Variants in SPATA16 observed in about 807,000 individuals in gnomAD.
SPATA16 encodes spermatogenesis-associated protein 16.
In SPATA16, 36 loss-of-function variants were observed where a neutral mutation model predicts 63.3. The ratio of observed to expected loss-of-function variants is 0.57; its 90% CI spans 0.44 to 0.75. The LOEUF (loss-of-function observed/expected upper bound fraction) is 0.75, where lower values mean the gene tolerates loss of function less well. Among genes scored for constraint, SPATA16 ranks in the 30% least tolerant of loss-of-function variants. The probability of loss-of-function intolerance (pLI) is 0.00; values close to 1 mark genes in which losing one functional copy is unlikely to be tolerated. For synonymous variants in SPATA16, 203 were observed against 216.7 expected (o/e 0.94, Z 0.56); for missense variants, 646 against 679.3 (o/e 0.95, Z 0.54).
At chr3:172,986,070 T>C (rs958637288) in intron 4 of SPATA16, among the ~76,000 whole-genome samples, 1 of 152,282 alleles carries the variant, frequency 6.6e-6, no homozygotes, top group East Asian at 1.9e-4. Flanking sequence ...TCTGGCTATA[T>C]TGGGAACAAT....
intron 2 of SPATA16, among the ~76,000 whole-genome samples, chr3:173,085,145 A>G (rs1737020152): frequency 6.6e-6 from 1 of 152,182 alleles, no homozygotes; most frequent in Non-Finnish European, 1.5e-5. Context: ...CTTCCTATCC[A>G]TGAGCATAGG....
chr3:173,056,227 G>A (rs761843042), intron 2 of SPATA16, among the ~76,000 whole-genome samples: 10 of 152,204 alleles, frequency 6.6e-5, no homozygotes, highest in Non-Finnish European at 1.3e-4. Flanking sequence ...ATTGTGTTTA[G>A]TGATATTCAT....
chr3:172,896,010 G>A (rs1732001806), intron 10 of SPATA16, among the ~76,000 whole-genome samples: 1 of 151,310 alleles, frequency 6.6e-6, no homozygotes, highest in Admixed American at 6.6e-5. Flanking sequence ...CAGTAGTGCT[G>A]ATTGGTTGGA....
rs1183189240 is a variant in SPATA16 at position 172,978,873 on chromosome 3, G to A, written c.849-1821C>T. 2.6e-5 allele frequency among the ~76,000 whole-genome samples: 4 copies of A among 152,328 alleles called. No homozygotes were observed. In the East Asian group the frequency reaches 7.7e-4, roughly 29 times the overall value. On this transcript the variant is annotated intron_variant, in intron 4 of 10. Transcript: ENST00000351008. Reference sequence around the variant, plus strand: ...TATTTACAAAAAACAGATTGGGTTAGTTTAACTCTAAAATAAGAAAATTAG... The same window carrying A: ...TATTTACAAAAAACAGATTGGGTTAATTTAACTCTAAAATAAGAAAATTAG...
intron 3 of SPATA16, among the ~76,000 whole-genome samples, chr3:173,046,213 CAG>C (rs1222000183): frequency 6.6e-6 from 1 of 151,866 alleles, no homozygotes; most frequent in Non-Finnish European, 1.5e-5. Context: ...ATGAAGTGAG[CAG>C]AGATTGAATG....
At chr3:173,015,014 T>TCC (rs1475609408) in intron 4 of SPATA16, among the ~76,000 whole-genome samples, 2 of 152,180 alleles carry the variant, frequency 1.3e-5, no homozygotes, top group African/African-American at 4.8e-5. Context: ...GTATCCCTTA[T>TCC]CTAGCCCATG....
At chr3:172,913,218 C>T (rs1732409410) in intron 10 of SPATA16, among the ~76,000 whole-genome samples, 1 of 152,120 alleles carries the variant, frequency 6.6e-6, no homozygotes, top group African/African-American at 2.4e-5. Context: ...CTATTTCTAA[C>T]AATTAGTATG....
intron 6 of SPATA16, among the ~76,000 whole-genome samples, chr3:172,952,963 AAAC>A (rs1335720258): frequency 6.6e-6 from 1 of 150,684 alleles, no homozygotes; most frequent in Non-Finnish European, 1.5e-5. Context: ...AAAAAAAAGA[AAAC>A]AGTTTGGTAA....
chr3:172,927,672 A>G (rs1477477935), intron 6 of SPATA16, among the ~76,000 whole-genome samples: 2 of 152,200 alleles, frequency 1.3e-5, no homozygotes, highest in Non-Finnish European at 2.9e-5. Context: ...GAGCATAGGG[A>G]CCAGAATTGA....
At chr3:173,113,741 A>G (rs1189160355) in intron 2 of SPATA16, among the ~76,000 whole-genome samples, 1 of 152,234 alleles carries the variant, frequency 6.6e-6, no homozygotes, top group Non-Finnish European at 1.5e-5. Flanking sequence ...GGAAATTGTT[A>G]TGTCACTTAA....
Position 173,019,531 on chromosome 3 carries a change from T to G in SPATA16, c.803A>C (p.Gln268Pro). The change falls in exon 4 of 11, where the codon CAA becomes CCA. Residue 268 changes from glutamine (Q) to proline (P), a missense_variant. Coordinates refer to ENST00000351008, the MANE Select transcript of SPATA16 (RefSeq NM_031955.6). ...NPAYFRNHLR[Q>P]ATVFRCLERY... ...CTCCAGACATCTAAACACTGTTGCT[T>G]GACGAAGATGATTCCGGAAATAGGC... is the stretch of plus-strand genomic sequence containing the variant. 2 of 1,614,094 alleles carry G rather than the reference T, an allele frequency of 1.2e-6. No individual in the cohort carries two copies.
chr3:173,063,983 A>G (rs564901489), intron 2 of SPATA16, among the ~76,000 whole-genome samples: 38 of 152,284 alleles, frequency 2.5e-4, no homozygotes, highest in African/African-American at 9.1e-4. Context: ...AAGAAGATTT[A>G]TGGATAGAAA....
chr3:173,102,953 A>G (rs1040190803), intron 2 of SPATA16, among the ~76,000 whole-genome samples: 6 of 152,248 alleles, frequency 3.9e-5, no homozygotes, highest in African/African-American at 1.4e-4. Context: ...CTGGGTAAGT[A>G]TCTCAAATAA....
At chr3:173,078,767 T>A (rs1736861498) in intron 2 of SPATA16, among the ~76,000 whole-genome samples, 1 of 152,202 alleles carries the variant, frequency 6.6e-6, no homozygotes, top group Non-Finnish European at 1.5e-5. Flanking sequence ...TAATTAGTAT[T>A]GCAGACCTTC....
At chr3:172,929,315 G>A (rs1482827037) in intron 6 of SPATA16, among the ~76,000 whole-genome samples, 5 of 152,080 alleles carry the variant, frequency 3.3e-5, no homozygotes, top group Admixed American at 2.6e-4. Context: ...TAATATCAAA[G>A]ATAGATTATG....
chr3:172,907,996 G>A (rs1210725522), intron 10 of SPATA16, among the ~76,000 whole-genome samples: 2 of 152,070 alleles, frequency 1.3e-5, no homozygotes, highest in Non-Finnish European at 2.9e-5. Flanking sequence ...CTCCCCCATG[G>A]GGCATTCACT....
At chr3:173,125,254 C>T (rs1370645212) in intron 1 of SPATA16, among the ~76,000 whole-genome samples, 1 of 152,160 alleles carries the variant, frequency 6.6e-6, no homozygotes, top group Non-Finnish European at 1.5e-5. Flanking sequence ...CCTGTTGACT[C>T]TCCTTCCAAG....
rs577152593 is a variant in SPATA16, at chr3:173,094,926, C to T, written c.612+22194G>A. Among the ~76,000 whole-genome samples, 3 of 152,130 alleles carry T rather than the reference C, an allele frequency of 2.0e-5. No individual in the cohort carries two copies. In the South Asian group the frequency reaches 6.2e-4, roughly 32 times the overall value. Reference sequence around the variant, plus strand: ...TTAATGTGTGTCCTTTTTTTGGCTACTCAGTGATTTGGCTATGTTGATTAT... The same window carrying T: ...TTAATGTGTGTCCTTTTTTTGGCTATTCAGTGATTTGGCTATGTTGATTAT... On this transcript the variant is annotated intron_variant, in intron 2 of 10. Transcript: ENST00000351008.
intron 10 of SPATA16, among the ~76,000 whole-genome samples, chr3:172,900,017 T>C (rs1426628006): frequency 6.6e-6 from 1 of 152,182 alleles, no homozygotes; most frequent in African/African-American, 2.4e-5. Context: ...AGTCATACTT[T>C]TGCTTACTGT....
Sources: allele counts gnomAD v4.1 joint callset (sites outside exome capture counted in the v4.1 genomes callset), GRCh38; gene constraint gnomAD v4.1.1; transcripts MANE v1.5; gene names NCBI Gene and HGNC (gene_info 2026-07-23, HGNC 2026-07-21).